CWH43: variants seen among roughly 807,000 people sequenced by gnomAD.
CWH43 encodes cell wall biogenesis 43 C-terminal homolog.
A neutral mutation model predicts 85.7 loss-of-function variants in CWH43; 91 were observed. That is an observed-to-expected ratio of 1.06 (90% CI 0.90 to 1.26). The LOEUF is 1.26. Among genes scored for constraint, CWH43 ranks in the 50% most tolerant of loss-of-function variants. The probability of loss-of-function intolerance (pLI) is 0.00; values close to 1 mark genes in which losing one functional copy is unlikely to be tolerated. For missense variants in CWH43, 869 were observed against 839.2 expected, an observed-to-expected ratio of 1.04 and a Z score of -0.44; for synonymous variants, 323 against 293.6, an observed-to-expected ratio of 1.10 and a Z score of -1.02.
intron 9 of CWH43, among the ~76,000 whole-genome samples, chr4:49,021,685 G>A (rs535141836): frequency 6.6e-6 from 1 of 152,126 alleles, no homozygotes; most frequent in Non-Finnish European, 1.5e-5. Flanking sequence ...CCATGAGCAT[G>A]GATATGTTTG....
chr4:49,032,837 C>G, intron 12 of CWH43, 122 bp downstream of exon 12: 1 of 1,220,906 alleles, frequency 8.2e-7, no homozygotes, highest in East Asian at 2.5e-5. Flanking sequence ...AAGTATTTCT[C>G]CCTGCGTTGC....
chr4:49,047,939 C>G (rs942526989), intron 14 of CWH43, among the ~76,000 whole-genome samples: 6 of 152,114 alleles, frequency 3.9e-5, no homozygotes, highest in African/African-American at 1.2e-4. Context: ...ATCACATGCC[C>G]AAATAGCTGT....
At chr4:49,026,004 C>T (rs1376364129) in intron 9 of CWH43, among the ~76,000 whole-genome samples, 1 of 152,022 alleles carries the variant, frequency 6.6e-6, no homozygotes. Context: ...CTCAGACTCT[C>T]GTTGGGCTGG....
At chr4:49,028,845 C>G (rs755340878) in intron 10 of CWH43, 111 bp downstream of exon 10, 1 of 690,090 alleles carries the variant, frequency 1.4e-6, no homozygotes, top group Non-Finnish European at 2.4e-6. Context: ...AAATTTATGA[C>G]CAGCAGATGA....
chr4:49,012,316 A>G (rs773919469), intron 8 of CWH43, among the ~76,000 whole-genome samples: 7 of 151,606 alleles, frequency 4.6e-5, no homozygotes, highest in African/African-American at 7.3e-5. Context: ...ATTGTTTTCA[A>G]CTCCATCAGG....
chr4:49,029,900 A>T (rs2109804083), intron 10 of CWH43, among the ~76,000 whole-genome samples: 2 of 152,278 alleles, frequency 1.3e-5, no homozygotes, highest in Admixed American at 1.3e-4. Flanking sequence ...CCTTGCTGAG[A>T]TAGTGAAAAT....
In CWH43 at chr4:49,030,806, CTT is replaced by C. The variant is rs397881381; in HGVS notation, c.1373-10_1373-9del. 5.7e-6 allele frequency: 8 copies of C among 1,403,066 alleles called. No individual in the cohort carries two copies. In the Admixed American group the frequency reaches 9.1e-5, roughly 16 times the overall value. The allele number at this position is 1,403,066 out of a possible 1,614,324, so 86.9% of individuals were successfully genotyped here. A position where few individuals can be genotyped will look rare whatever the true frequency, so the allele number is the denominator to read the frequency against. On this transcript the variant is annotated splice_polypyrimidine_tract_variant and intron_variant, in intron 10 of 15. Coordinates refer to ENST00000226432, the MANE Select transcript of CWH43 (RefSeq NM_025087.3). ...TGCTGTGATTCATCACTGTATGCTACTTTTTTTTTTCTGAACAGGTGCAGATT... is the reference window on the plus strand; with the variant it reads ...TGCTGTGATTCATCACTGTATGCTACTTTTTTTTCTGAACAGGTGCAGATT...
chr4:49,004,326 A>T (rs1382631458), intron 7 of CWH43, among the ~76,000 whole-genome samples: 1 of 152,206 alleles, frequency 6.6e-6, no homozygotes, highest in African/African-American at 2.4e-5. Context: ...TATGATCATG[A>T]TACTCATGCT....
chr4:49,040,267 G>C (rs1420164066), intron 13 of CWH43, among the ~76,000 whole-genome samples: 3 of 152,204 alleles, frequency 2.0e-5, no homozygotes, highest in South Asian at 2.1e-4. Flanking sequence ...ACCCAGTAAT[G>C]GGGTGGCTGG....
chr4:49,053,197 A>G (rs1176883110), intron 15 of CWH43, among the ~76,000 whole-genome samples: 1 of 152,154 alleles, frequency 6.6e-6, no homozygotes, highest in Non-Finnish European at 1.5e-5. Context: ...TCATCTGTCA[A>G]TGGGCACTTA....
intron 8 of CWH43, among the ~76,000 whole-genome samples, chr4:49,014,613 TG>T (rs913087484): frequency 1.3e-5 from 2 of 152,154 alleles, no homozygotes; most frequent in African/African-American, 4.8e-5. Flanking sequence ...TCTTTTTTTT[TG>T]TTGTTGGTAA....
At chr4:49,049,120 C>G (rs527792710) in intron 14 of CWH43, among the ~76,000 whole-genome samples, 2 of 152,206 alleles carry the variant, frequency 1.3e-5, no homozygotes, top group East Asian at 3.9e-4. Flanking sequence ...GAATAAATAA[C>G]CTAGATTTGC....
intron 2 of CWH43, among the ~76,000 whole-genome samples, chr4:48,990,494 G>A (rs1782626548): frequency 6.6e-6 from 1 of 152,142 alleles, no homozygotes; most frequent in African/African-American, 2.4e-5. Context: ...GAGGATCTGA[G>A]CATTACATGC....
chr4:49,027,375 G>A lies in CWH43; in HGVS notation c.1267-1254G>A, dbSNP rs576835103. Among the ~76,000 whole-genome samples the A allele has an allele frequency of 2.6e-5, 4 of 152,184 alleles. No homozygotes were observed. The South Asian group carries it at 6.2e-4, about 24-fold the overall frequency. Reference sequence around the variant, plus strand: ...GGTGGCATTTCCTGAGAAGAATGAAGGAATAACATATTTTGGAGTGATGAC... The same window carrying A: ...GGTGGCATTTCCTGAGAAGAATGAAAGAATAACATATTTTGGAGTGATGAC... On this transcript the variant is annotated intron_variant, in intron 9 of 15. Coordinates refer to ENST00000226432, the MANE Select transcript of CWH43 (RefSeq NM_025087.3).
rs189342901 is a variant in CWH43 at position 49,056,907 on chromosome 4, C to T, written c.2022-4905C>T. ...TTTCCTTTTGATTTCTTCTTTGATC[C>T]ATTGTCTGTTTAGGAAAGTTTTGTT... On this transcript the variant is annotated intron_variant, in intron 15 of 15. Coordinates refer to ENST00000226432, the MANE Select transcript of CWH43 (RefSeq NM_025087.3). Among the ~76,000 whole-genome samples the T allele has an allele frequency of 2.0e-5, 3 of 152,124 alleles. No individual in the cohort carries two copies. In the East Asian group the frequency reaches 5.8e-4, roughly 29 times the overall value.
chr4:49,006,841 G>A (rs1402693741), intron 7 of CWH43, among the ~76,000 whole-genome samples: 1 of 152,154 alleles, frequency 6.6e-6, no homozygotes, highest in Admixed American at 6.6e-5. Flanking sequence ...GTGCACGGAA[G>A]GGCTCTTATT....
In CWH43 at chr4:49,061,802, A is replaced by G; in HGVS notation, c.2022-10A>G. On this transcript the variant is annotated splice_polypyrimidine_tract_variant and intron_variant, in intron 15 of 15. Transcript: ENST00000226432. ...GCCAATAACTTTTTATTTATTTTTT[A>G]TTTTTTTAGATTTGGATCCTACAAA... The G allele has an allele frequency of 3.7e-6, 5 of 1,364,396 alleles. No individual in the cohort carries two copies. The highest frequency in any genetic ancestry group is 4.9e-6 in the Non-Finnish European group (5 of 1,030,702). The allele number at this position is 1,364,396 out of a possible 1,614,324, so 84.5% of individuals were successfully genotyped here.
chr4:49,006,096 T>C (rs1279003664), intron 7 of CWH43, among the ~76,000 whole-genome samples: 1 of 152,234 alleles, frequency 6.6e-6, no homozygotes, highest in Non-Finnish European at 1.5e-5. Flanking sequence ...TTCTGATTTA[T>C]TTCAGGTGTG....
At chr4:49,057,156 G>C (rs1433775699) in intron 15 of CWH43, among the ~76,000 whole-genome samples, 3 of 152,322 alleles carry the variant, frequency 2.0e-5, no homozygotes, top group South Asian at 4.1e-4. Context: ...TTTTGCCAAA[G>C]TTAAGGATGC....
Sources: gnomAD v4.1 joint callset for allele counts (sites outside exome capture counted in the v4.1 genomes callset) on GRCh38, gnomAD v4.1.1 for gene constraint, MANE v1.5 for transcripts, NCBI Gene and HGNC (gene_info 2026-07-23, HGNC 2026-07-21) for gene names.